Variants in GRIN2B observed in about 807,000 individuals in gnomAD.
GRIN2B encodes glutamate ionotropic receptor NMDA type subunit 2B.
GRIN2B carries 5 observed loss-of-function variants against 114.5 expected under a neutral mutation model. That is an observed-to-expected ratio of 0.04 (90% CI 0.02 to 0.09). The LOEUF (loss-of-function observed/expected upper bound fraction) is 0.09. Among genes scored for constraint, GRIN2B ranks in the 10% least tolerant of loss-of-function variants. The pLI, the probability that GRIN2B is intolerant of heterozygous loss-of-function variation, is 1.00. For synonymous variants in GRIN2B, 787 were observed against 745.1 expected (o/e 1.06, Z -0.92); for missense variants, 1,108 against 1,943.5 (o/e 0.57, Z 8.08).
intron 5 of GRIN2B, among the ~76,000 whole-genome samples, chr12:13,629,181 T>C (rs1055129175): frequency 2.6e-5 from 4 of 152,184 alleles, no homozygotes; most frequent in Non-Finnish European, 4.4e-5. Context: ...CACTCTAAGA[T>C]TGCCCAGGGT....
At chr12:13,904,849 C>A (rs890777133) in intron 2 of GRIN2B, among the ~76,000 whole-genome samples, 8 of 152,038 alleles carry the variant, frequency 5.3e-5, no homozygotes, top group Non-Finnish European at 1.0e-4. Context: ...TTCCATTATT[C>A]TATAACTTCT....
At position 13,557,728 on chromosome 12, in the gene GRIN2B, A is replaced by G. The variant is rs1352224996; in HGVS notation, c.*5055T>C. On this transcript the variant is annotated 3_prime_UTR_variant, in exon 14 of 14. Coordinates refer to ENST00000609686, the MANE Select transcript of GRIN2B (RefSeq NM_000834.5). ...TGGTTTAAATGTCTTTGCCATCTAG[A>G]ACCTGTATCCTTGTTCCCTACTCTA... 6 of 152,220 alleles carry G rather than the reference A, an allele frequency of 3.9e-5. No homozygotes were observed. The highest frequency in any genetic ancestry group is 9.6e-5 in the African/African-American group (4 of 41,452). The allele number at this position is 152,220 out of a possible 1,614,324, so 9.4% of individuals were successfully genotyped here.
chr12:13,596,139 G>C (rs1424225196), intron 10 of GRIN2B, among the ~76,000 whole-genome samples: 2 of 152,062 alleles, frequency 1.3e-5, no homozygotes, highest in Non-Finnish European at 2.9e-5. Context: ...TTGTATTTGA[G>C]GCCACTCACA....
rs1323725050 is a variant in GRIN2B, at chr12:13,555,392, A to C, written c.*7391T>G. On this transcript the variant is annotated 3_prime_UTR_variant, in exon 14 of 14. Transcript: ENST00000609686. ...ATAAGGTGAGGAAGTGGAGAAAGAA[A>C]GACTACCCTTTTGAGAAGTTGGGAA... 1.3e-5 allele frequency: 2 copies of C among 152,232 alleles called. No individual in the cohort carries two copies. The highest frequency in any genetic ancestry group is 4.8e-5 in the African/African-American group (2 of 41,458). The allele number at this position is 152,232 out of a possible 1,614,324, so 9.4% of individuals were successfully genotyped here.
chr12:13,852,219 C>T (rs922497754), intron 3 of GRIN2B, among the ~76,000 whole-genome samples: 4 of 152,154 alleles, frequency 2.6e-5, no homozygotes, highest in East Asian at 1.9e-4. Context: ...CAGAAGCTCA[C>T]CCCAGATGCA....
In GRIN2B at chr12:13,558,001, G is replaced by A. The variant is rs2136395463; in HGVS notation, c.*4782C>T. 6.6e-6 allele frequency: 1 copy of A among 152,294 alleles called. No individual in the cohort carries two copies. The highest frequency in any genetic ancestry group is 2.1e-4 in the South Asian group (1 of 4,824). 9.4% of individuals were successfully genotyped at this position (152,294 alleles called of 1,614,324 possible). A position where few individuals can be genotyped will look rare whatever the true frequency, so the allele number is the denominator to read the frequency against. On this transcript the variant is annotated 3_prime_UTR_variant, in exon 14 of 14. Coordinates refer to ENST00000609686, the MANE Select transcript of GRIN2B (RefSeq NM_000834.5). ...TGGGAAATGAAAAAGACCTTTTCAG[G>A]ACCTTCAACACACCATGGACCACAT...
chr12:13,659,212 C>T (rs1361826278), intron 5 of GRIN2B, among the ~76,000 whole-genome samples: 4 of 152,186 alleles, frequency 2.6e-5, no homozygotes, highest in Admixed American at 1.3e-4. Flanking sequence ...ACTGCTTCCC[C>T]GTCACTAATT....
intron 3 of GRIN2B, among the ~76,000 whole-genome samples, chr12:13,856,917 T>C (rs929360878): frequency 1.3e-5 from 2 of 152,176 alleles, no homozygotes; most frequent in African/African-American, 4.8e-5. Context: ...TTTCCACCTA[T>C]ATGACCCACC....
intron 5 of GRIN2B, among the ~76,000 whole-genome samples, chr12:13,620,711 C>T (rs1949501642): frequency 1.3e-5 from 2 of 152,118 alleles, no homozygotes; most frequent in African/African-American, 4.8e-5. Flanking sequence ...GAGGTGCCTT[C>T]CACATAATTT....
At position 13,538,726 on chromosome 12, in the gene GRIN2B, A is replaced by G. The variant is rs1948240141; in HGVS notation, c.*24057T>C. The G allele has an allele frequency of 6.6e-6, 1 of 152,128 alleles. No homozygotes were observed. The highest frequency in any genetic ancestry group is 2.1e-4 in the South Asian group (1 of 4,820). The allele number at this position is 152,128 out of a possible 1,614,324, so 9.4% of individuals were successfully genotyped here. A position where few individuals can be genotyped will look rare whatever the true frequency, so the allele number is the denominator to read the frequency against. On this transcript the variant is annotated 3_prime_UTR_variant, in exon 14 of 14. Coordinates refer to ENST00000609686, the MANE Select transcript of GRIN2B (RefSeq NM_000834.5). ...GCTACACAGGAGGCGGAGGTGGTAG[A>G]ATCACTTGAGCCTGGGAGGTCAAGG... is the stretch of plus-strand genomic sequence containing the variant.
At position 13,562,996 on chromosome 12, in the gene GRIN2B, C is replaced by T. The variant is rs202227485; in HGVS notation, c.4242G>A (p.Ala1414=). 6.8e-6 allele frequency: 11 copies of T among 1,613,476 alleles called. No homozygotes were observed. Among genetic ancestry groups the T allele is most frequent in the East Asian group, 6.7e-5 (3 of 44,852 alleles). ...YFFRQPTVAG[A]SKARPDFRAL... is the part of the protein sequence containing the mutation. ...CCCGGAAGTCCGGCCTGGCTTTCGA[C>T]GCCCCCGCCACCGTGGGCTGCCTGA... The change falls in exon 14 of 14, where the codon GCG becomes GCA. Residue 1414 remains alanine, a synonymous_variant. Transcript: ENST00000609686.
At chr12:13,744,974 T>G (rs1367525768) in intron 4 of GRIN2B, among the ~76,000 whole-genome samples, 1 of 152,066 alleles carries the variant, frequency 6.6e-6, no homozygotes, top group Non-Finnish European at 1.5e-5. Context: ...TTCTTCCAAA[T>G]CCTTATCGGC....
At chr12:13,772,263 A>G (rs560095838) in intron 3 of GRIN2B, among the ~76,000 whole-genome samples, 1 of 152,294 alleles carries the variant, frequency 6.6e-6, no homozygotes, top group Non-Finnish European at 1.5e-5. Flanking sequence ...TTTGCCAGCC[A>G]CAATTCCACT....
intron 2 of GRIN2B, among the ~76,000 whole-genome samples, chr12:13,875,608 G>T (rs1865981623): frequency 6.6e-6 from 1 of 152,110 alleles, no homozygotes; most frequent in Admixed American, 6.6e-5. Flanking sequence ...AAAACAATCT[G>T]CTCTGTAGCC....
intron 3 of GRIN2B, among the ~76,000 whole-genome samples, chr12:13,842,917 C>CTTTTTTTTTTTTTTTTTTTTTTT: frequency 9.7e-6 from 1 of 103,222 alleles, no homozygotes; most frequent in Non-Finnish European, 2.0e-5. Flanking sequence ...ATTGGTTTTT[C>CTTTTTTTTTTTTTTTTTTTTTTT]TTTTTTTTTT....
chr12:13,864,215 T>TC (rs1195476455), intron 3 of GRIN2B, among the ~76,000 whole-genome samples: 1 of 152,234 alleles, frequency 6.6e-6, no homozygotes, highest in Non-Finnish European at 1.5e-5. Context: ...ACTTGACCTT[T>TC]CCTAGACTGA....
chr12:13,772,538 T>C (rs1356549822), intron 3 of GRIN2B, among the ~76,000 whole-genome samples: 1 of 152,198 alleles, frequency 6.6e-6, no homozygotes, highest in Non-Finnish European at 1.5e-5. Flanking sequence ...CGCTGAAGTA[T>C]CAATTTAATA....
intron 5 of GRIN2B, among the ~76,000 whole-genome samples, chr12:13,630,829 C>A (rs1451464964): frequency 6.6e-6 from 1 of 152,148 alleles, no homozygotes; most frequent in African/African-American, 2.4e-5. Context: ...AATATTCTCA[C>A]ACTGCTAAAA....
chr12:13,586,806 T>C (rs768123996), intron 10 of GRIN2B, among the ~76,000 whole-genome samples: 1 of 152,204 alleles, frequency 6.6e-6, no homozygotes, highest in African/African-American at 2.4e-5. Flanking sequence ...CCCTCAACCA[T>C]TGGTCATGAA....
Sources: allele counts gnomAD v4.1 joint callset (sites outside exome capture counted in the v4.1 genomes callset), GRCh38; gene constraint gnomAD v4.1.1; transcripts MANE v1.5; gene names NCBI Gene and HGNC (gene_info 2026-07-23, HGNC 2026-07-21).